THRB: variants seen among roughly 807,000 people sequenced by gnomAD.
THRB encodes the protein thyroid hormone receptor beta.
Under a neutral mutation model 47.8 loss-of-function variants are expected in THRB, and 12 were observed. The ratio of observed to expected loss-of-function variants is 0.25; its 90% CI spans 0.16 to 0.41. THRB has a LOEUF of 0.41. THRB is among the 10% of genes least tolerant of loss of function. THRB has a pLI of 1.00. For missense variants in THRB, 348 were observed against 589.2 expected, an observed-to-expected ratio of 0.59 and a Z score of 4.24; for synonymous variants, 218 against 212.2, an observed-to-expected ratio of 1.03 and a Z score of -0.24.
At chr3:24,308,113 T>A (rs2057489731) in intron 2 of THRB, among the ~76,000 whole-genome samples, 1 of 152,118 alleles carries the variant, frequency 6.6e-6, no homozygotes, top group African/African-American at 2.4e-5. Flanking sequence ...ATGGCACATG[T>A]TTACCTATGT....
intron 3 of THRB, among the ~76,000 whole-genome samples, chr3:24,291,098 C>T (rs1476478720): frequency 5.9e-5 from 9 of 152,100 alleles, no homozygotes; most frequent in Non-Finnish European, 1.0e-4. Flanking sequence ...CACCTGAGAG[C>T]GTTACCCAAA....
At chr3:24,212,151 C>A (rs965172022) in intron 4 of THRB, among the ~76,000 whole-genome samples, 7 of 152,102 alleles carry the variant, frequency 4.6e-5, no homozygotes, top group Non-Finnish European at 1.0e-4. Context: ...GTAATCCCAG[C>A]ACTTTGGGAG....
intron 3 of THRB, among the ~76,000 whole-genome samples, chr3:24,255,253 A>T (rs1426938206): frequency 6.6e-6 from 1 of 152,258 alleles, no homozygotes; most frequent in South Asian, 2.1e-4. Context: ...CCCTCTATGC[A>T]TCCTTTTGTG....
chr3:24,277,251 G>A lies in THRB; in HGVS notation c.-43+19975C>T, dbSNP rs370143954. Among the ~76,000 whole-genome samples the A allele has an allele frequency of 4.6e-4, 70 of 152,278 alleles. 1 individual carries two copies. The highest frequency in any genetic ancestry group is 1.6e-3 in the African/African-American group (67 of 41,558). ...GATATTTTTTATTGTCATGACTGAG[G>A]AGCGGGTGCCACGGGCATCTAGTGG... On this transcript the variant is annotated intron_variant, in intron 3 of 10. Coordinates refer to ENST00000646209, the MANE Select transcript of THRB (RefSeq NM_001354712.2).
chr3:24,348,443 C>T (rs1157741796), intron 1 of THRB: 2 of 152,114 alleles, frequency 1.3e-5, no homozygotes, highest in Non-Finnish European at 2.9e-5. Context: ...TTCAAACACA[C>T]CAATGAAATC....
chr3:24,443,750 T>C (rs2071782696), intron 1 of THRB, among the ~76,000 whole-genome samples: 1 of 152,194 alleles, frequency 6.6e-6, no homozygotes, highest in Non-Finnish European at 1.5e-5. Context: ...TCAAGTCTGG[T>C]GTTAAACACA....
At chr3:24,457,553 A>G (rs575678988) in intron 1 of THRB, among the ~76,000 whole-genome samples, 2 of 152,196 alleles carry the variant, frequency 1.3e-5, no homozygotes, top group Non-Finnish European at 2.9e-5. Flanking sequence ...TTTTTCTGAC[A>G]TTGTCTTAAA....
At chr3:24,269,881 T>A (rs826235) in intron 3 of THRB, among the ~76,000 whole-genome samples, 107,694 of 152,050 alleles carry the variant, frequency 0.71, 38,718 homozygotes, top group Middle Eastern at 0.85. Flanking sequence ...CATGTACCTT[T>A]ATAATTTCTG....
chr3:24,327,010 G>A (rs528208678), intron 2 of THRB, among the ~76,000 whole-genome samples: 299 of 151,948 alleles, frequency 2.0e-3, no homozygotes, highest in African/African-American at 6.8e-3. Flanking sequence ...TGATCCGCCC[G>A]CCTCAGCTTC....
At chr3:24,269,002 T>C (rs1472016273) in intron 3 of THRB, among the ~76,000 whole-genome samples, 1 of 152,226 alleles carries the variant, frequency 6.6e-6, no homozygotes, top group Non-Finnish European at 1.5e-5. Context: ...ACATGGCCCA[T>C]GTCCTCAGGG....
intron 3 of THRB, among the ~76,000 whole-genome samples, chr3:24,256,715 G>A (rs1198643285): frequency 6.6e-6 from 1 of 152,144 alleles, no homozygotes; most frequent in East Asian, 1.9e-4. Context: ...TGTGTCTGGT[G>A]TCAGGACAAT....
At chr3:24,478,771 G>A (rs879884743) in intron 1 of THRB, among the ~76,000 whole-genome samples, 15 of 152,100 alleles carry the variant, frequency 9.9e-5, no homozygotes, top group Non-Finnish European at 1.8e-4. Context: ...CCCCATGAGG[G>A]CGAAGATCAT....
chr3:24,339,959 T>A (rs1236169768), intron 1 of THRB, among the ~76,000 whole-genome samples: 2 of 152,214 alleles, frequency 1.3e-5, no homozygotes, highest in Non-Finnish European at 2.9e-5. Flanking sequence ...TTCAAAGGAA[T>A]CTGTTTTGTA....
chr3:24,203,892 C>T lies in THRB; in HGVS notation c.23-13558G>A, dbSNP rs111343540. ...CCTGGCTTGGAGGGTCCCACGCCCA[C>T]GGAGCCTTGCTCATTGCTAGCACAG... On this transcript the variant is annotated intron_variant, in intron 4 of 10. Coordinates refer to ENST00000646209, the MANE Select transcript of THRB (RefSeq NM_001354712.2). 7.9e-3 allele frequency among the ~76,000 whole-genome samples: 1,201 copies of T among 152,350 alleles called. 15 individuals carry two copies. Among genetic ancestry groups the T allele is most frequent in the African/African-American group, 0.026 (1,097 of 41,584 alleles).
intron 1 of THRB, among the ~76,000 whole-genome samples, chr3:24,469,338 AG>A (rs1428658975): frequency 9.9e-5 from 15 of 152,196 alleles, no homozygotes; most frequent in Non-Finnish European, 1.5e-5. Flanking sequence ...TTCTTAAGGC[AG>A]CCCCATTAAG....
intron 1 of THRB, among the ~76,000 whole-genome samples, chr3:24,445,232 T>C (rs546339205): frequency 5.9e-5 from 9 of 152,106 alleles, no homozygotes; most frequent in African/African-American, 2.2e-4. Flanking sequence ...TCATACTATA[T>C]GTTAAAATAA....
chr3:24,470,711 G>C (rs572962200), intron 1 of THRB, among the ~76,000 whole-genome samples: 80 of 152,252 alleles, frequency 5.3e-4, no homozygotes, highest in African/African-American at 1.9e-3. Context: ...CTGCCTCTCA[G>C]GTTCAAGCAA....
At chr3:24,176,871 G>T (rs1294729615) in intron 5 of THRB, among the ~76,000 whole-genome samples, 1 of 152,080 alleles carries the variant, frequency 6.6e-6, no homozygotes, top group Non-Finnish European at 1.5e-5. Context: ...CCTGATGATG[G>T]TTGCATGCCT....
At chr3:24,227,318 G>T (rs1327200871) in intron 4 of THRB, among the ~76,000 whole-genome samples, 3 of 152,182 alleles carry the variant, frequency 2.0e-5, no homozygotes, top group Non-Finnish European at 4.4e-5. Context: ...CACTCCTCCT[G>T]ACTGAGATTG....
Sources: allele counts gnomAD v4.1 joint callset (sites outside exome capture counted in the v4.1 genomes callset), GRCh38; gene constraint gnomAD v4.1.1; transcripts MANE v1.5; gene names NCBI Gene and HGNC (gene_info 2026-07-23, HGNC 2026-07-21).